PRKDC: variants seen among roughly 807,000 people sequenced by gnomAD.
The protein encoded by PRKDC is protein kinase, DNA-activated, catalytic subunit.
In PRKDC, 82 loss-of-function variants were observed where a neutral mutation model predicts 486.9. That is an observed-to-expected ratio of 0.17 (90% CI 0.14 to 0.20). PRKDC has a LOEUF of 0.20. PRKDC is among the 10% of genes least tolerant of loss of function. PRKDC has a pLI of 1.00. For missense variants in PRKDC, 4,504 were observed against 5,038.2 expected, an observed-to-expected ratio of 0.89 and a Z score of 3.21; for synonymous variants, 1,895 against 1,837.0, an observed-to-expected ratio of 1.03 and a Z score of -0.81.
At chr8:47,939,487 A>T in intron 11 of PRKDC, 64 bp downstream of exon 11, 1 of 1,532,582 alleles carries the variant, frequency 6.5e-7, no homozygotes, top group Non-Finnish European at 9.0e-7. Context: ...AAATGCAATG[A>T]ATTAGATTCC....
At chr8:47,776,723 A>G in intron 85 of PRKDC, 121 bp downstream of exon 85, 1 of 1,322,508 alleles carries the variant, frequency 7.6e-7, no homozygotes, top group Non-Finnish European at 1.0e-6. Context: ...CTCCTCAATG[A>G]AAGCAGAGAA....
chr8:47,801,540 TGA>T (rs762574488), intron 70 of PRKDC, among the ~76,000 whole-genome samples: 97 of 152,356 alleles, frequency 6.4e-4, no homozygotes, highest in Admixed American at 3.5e-3. Context: ...TGAAACTTTA[TGA>T]ATTAACTTTT....
At chr8:47,955,461 CAAAAAAAAAAA>C (rs746883720) in intron 4 of PRKDC, among the ~76,000 whole-genome samples, 23 of 18,536 alleles carry the variant, frequency 1.2e-3, no homozygotes, top group African/African-American at 3.8e-3. Context: ...GACTCCGTCT[CAAAAAAAAAAA>C]AAAAAAAAAA....
intron 63 of PRKDC, 110 bp downstream of exon 63, chr8:47,826,546 T>C (rs928267297): frequency 3.7e-6 from 4 of 1,086,750 alleles, no homozygotes; most frequent in African/African-American, 3.2e-5. Context: ...TTCACATTAG[T>C]GTTACTATCA....
chr8:47,889,058 T>G lies in PRKDC; in HGVS notation c.4236A>C (p.Lys1412Asn). 4 of 1,613,984 alleles carry G rather than the reference T, an allele frequency of 2.5e-6. No individual in the cohort carries two copies. The highest frequency in any genetic ancestry group is 3.4e-6 in the Non-Finnish European group (4 of 1,179,880). ...LMKALKMSPY[K>N]DILETHLREK... ...CTCTCAGATGGGTCTCTAGGATATC[T>G]TTGTATGGGGACATCTTTAGAGCTT... The change falls in exon 33 of 86, where the codon AAA (lysine) becomes AAC (asparagine). Residue 1412 changes from lysine (K) to asparagine (N), a missense_variant. Coordinates refer to ENST00000314191, the MANE Select transcript of PRKDC (RefSeq NM_006904.7).
chr8:47,800,047 G>T (rs1457053336), intron 71 of PRKDC, among the ~76,000 whole-genome samples: 1 of 152,088 alleles, frequency 6.6e-6, no homozygotes, highest in Non-Finnish European at 1.5e-5. Context: ...TAAATAGGAA[G>T]CACGGAGTAT....
intron 39 of PRKDC, among the ~76,000 whole-genome samples, chr8:47,879,146 C>G (rs1351970627): frequency 6.6e-6 from 1 of 152,210 alleles, no homozygotes; most frequent in African/African-American, 2.4e-5. Flanking sequence ...CCATTTTACA[C>G]ATAAAATATT....
Position 47,873,652 on chromosome 8 carries a change from A to G in PRKDC, c.5363+4072T>C, listed in dbSNP as rs546746580. Among the ~76,000 whole-genome samples, 7 of 152,346 alleles carry G rather than the reference A, an allele frequency of 4.6e-5. No individual in the cohort carries two copies. The South Asian group carries it at 1.2e-3, about 27-fold the overall frequency. Reference sequence around the variant, plus strand: ...AGACAAATGGATAAAGAAAATATACACAGTGGAGTACTATCCAGCCATCAA... The same window carrying G: ...AGACAAATGGATAAAGAAAATATACGCAGTGGAGTACTATCCAGCCATCAA... On this transcript the variant is annotated intron_variant, in intron 40 of 85. Coordinates refer to ENST00000314191, the MANE Select transcript of PRKDC (RefSeq NM_006904.7).
At chr8:47,865,878 G>A (rs1243682107) in intron 40 of PRKDC, among the ~76,000 whole-genome samples, 1 of 152,150 alleles carries the variant, frequency 6.6e-6, no homozygotes, top group Non-Finnish European at 1.5e-5. Context: ...CCCAGAGGCC[G>A]GGTGCAGTGG....
chr8:47,818,727 ATAAC>A (rs1009590590), intron 67 of PRKDC, among the ~76,000 whole-genome samples: 140 of 152,366 alleles, frequency 9.2e-4, no homozygotes, highest in African/African-American at 3.2e-3. Context: ...AAAATAGAAA[ATAAC>A]TAGGTAGACA....
Position 47,799,117 on chromosome 8 carries a change from AAAAC to A in PRKDC, c.10297+89_10297+92del, listed in dbSNP as rs756586935. The A allele has an allele frequency of 5.6e-5, 82 of 1,457,730 alleles. 1 individual carries two copies. The highest frequency in any genetic ancestry group is 3.4e-4 in the African/African-American group (24 of 70,836). The allele number at this position is 1,457,730 out of a possible 1,614,324, so 90.3% of individuals were successfully genotyped here. On this transcript the variant is annotated intron_variant, in intron 72 of 85. Transcript: ENST00000314191. ...GGATTTTCAAAATATTTGTAATTTG[AAAAC>A]AAACAAAGAGGAGACCAAAGGTATG...
intron 77 of PRKDC, 26 bp downstream of exon 77, chr8:47,785,085 GTT>G (rs1423162467): frequency 6.2e-7 from 1 of 1,606,526 alleles, no homozygotes; most frequent in East Asian, 2.2e-5. Context: ...TGACAGTACA[GTT>G]TTGTCACCCC....
chr8:47,933,197 C>T lies in PRKDC; in HGVS notation c.1624-25G>A, dbSNP rs559553744. On this transcript the variant is annotated intron_variant, in intron 15 of 85. Coordinates refer to ENST00000314191, the MANE Select transcript of PRKDC (RefSeq NM_006904.7). ...CCTTTAAATAAAGAAAAACAATAAA[C>T]TTCAAAATCTTGTGCAAAAATGTAT... is the stretch of plus-strand genomic sequence containing the variant. 20 of 1,442,772 alleles carry T rather than the reference C, an allele frequency of 1.4e-5. No individual in the cohort carries two copies. In the African/African-American group the frequency reaches 2.8e-4, roughly 20 times the overall value. The allele number at this position is 1,442,772 out of a possible 1,614,324, so 89.4% of individuals were successfully genotyped here. A position where few individuals can be genotyped will look rare whatever the true frequency, so the allele number is the denominator to read the frequency against.
intron 77 of PRKDC, among the ~76,000 whole-genome samples, chr8:47,784,598 T>G (rs573073691): frequency 6.6e-6 from 1 of 152,332 alleles, no homozygotes; most frequent in South Asian, 2.1e-4. Flanking sequence ...ACAGGTTTCC[T>G]CTGAAAAAGT....
At chr8:47,932,893 A>C (rs1179798206) in intron 16 of PRKDC, 127 bp downstream of exon 16, 4 of 729,082 alleles carry the variant, frequency 5.5e-6, no homozygotes, top group South Asian at 4.8e-5. Context: ...GTGGCACATA[A>C]TAATCCTGAA....
chr8:47,887,794 C>T (rs1589767372), intron 34 of PRKDC, 89 bp from the exon 35 acceptor site: 1 of 1,347,996 alleles, frequency 7.4e-7, no homozygotes, highest in East Asian at 2.5e-5. Flanking sequence ...AAAAAACCCA[C>T]TTCAGATAGC....
intron 68 of PRKDC, among the ~76,000 whole-genome samples, chr8:47,813,093 A>T (rs552880538): frequency 8.1e-5 from 12 of 148,198 alleles, no homozygotes; most frequent in East Asian, 7.8e-4. Flanking sequence ...ATAGAATTTT[A>T]TATTTATTTA....
At chr8:47,855,720 C>G (rs780996566) in intron 49 of PRKDC, among the ~76,000 whole-genome samples, 1 of 152,220 alleles carries the variant, frequency 6.6e-6, no homozygotes, top group Admixed American at 6.5e-5. Context: ...CATGAAGGTG[C>G]TTTCCCCACT....
chr8:47,803,229 C>CT lies in PRKDC; in HGVS notation c.9922+76_9922+77insA, dbSNP rs2087146283. On this transcript the variant is annotated intron_variant, in intron 70 of 85. Coordinates refer to ENST00000314191, the MANE Select transcript of PRKDC (RefSeq NM_006904.7). ...ACCTCCCAAATGTCAGATGATGCAG[C>CT]ACAAAGAAGAGGAAGATACACAAGA... 9.9e-5 allele frequency: 138 copies of CT among 1,390,280 alleles called. No homozygotes were observed. In the South Asian group the frequency reaches 2.0e-3, roughly 20 times the overall value. 86.1% of individuals were successfully genotyped at this position (1,390,280 alleles called of 1,614,324 possible).
Sources: gnomAD v4.1 joint callset for allele counts (sites outside exome capture counted in the v4.1 genomes callset) on GRCh38, gnomAD v4.1.1 for gene constraint, MANE v1.5 for transcripts, NCBI Gene and HGNC (gene_info 2026-07-23, HGNC 2026-07-21) for gene names.